Variants in OR7E24 observed in about 807,000 individuals in gnomAD.
The protein encoded by OR7E24 is olfactory receptor family 7 subfamily E member 24.
For missense variants in OR7E24, 385 were observed against 410.3 expected, an observed-to-expected ratio of 0.94 and a Z score of 0.53; for synonymous variants, 130 against 157.5, an observed-to-expected ratio of 0.83 and a Z score of 1.31.
At chr19:9,226,831 G>T in the OR7E24 span, among the ~76,000 whole-genome samples, 7 of 152,122 alleles carry the variant, frequency 4.6e-5, no homozygotes, top group African/African-American at 1.7e-4. Flanking sequence ...GAAGCACAAA[G>T]TCCCCAAGTG....
chr19:9,235,889 C>T, the OR7E24 span: 3 of 1,607,454 alleles, frequency 1.9e-6, no homozygotes, highest in Non-Finnish European at 2.6e-6. Context: ...TGTGTGGTCT[C>T]CTTGTTCTAT....
chr19:9,235,276 A>G, the OR7E24 span: 2 of 1,332,402 alleles, frequency 1.5e-6, no homozygotes, highest in Non-Finnish European at 2.2e-6. Context: ...GAACCTACTC[A>G]TCATCCTGGC....
the OR7E24 span, among the ~76,000 whole-genome samples, chr19:9,232,317 A>C: frequency 6.6e-6 from 1 of 152,080 alleles, no homozygotes; most frequent in Non-Finnish European, 1.5e-5. Context: ...AGGTGGACGG[A>C]TCACGAGGTC....
chr19:9,237,500 A>T, the OR7E24 span, among the ~76,000 whole-genome samples: 1 of 151,340 alleles, frequency 6.6e-6, no homozygotes, highest in African/African-American at 2.4e-5. Flanking sequence ...TTTTTTTAGT[A>T]GAGACGGGGT....
At chr19:9,240,887 G>A in the OR7E24 span, among the ~76,000 whole-genome samples, 370 of 151,422 alleles carry the variant, frequency 2.4e-3, 3 homozygotes, top group African/African-American at 8.2e-3. Context: ...GTGTGATCTC[G>A]GCTCTCTGCA....
At chr19:9,219,804 T>G in the OR7E24 span, among the ~76,000 whole-genome samples, 1 of 152,232 alleles carries the variant, frequency 6.6e-6, no homozygotes, top group Non-Finnish European at 1.5e-5. Context: ...AATTTTGTGA[T>G]GAAATAGGCA....
At chr19:9,214,863 G>T in the OR7E24 span, 1 of 1,464,532 alleles carries the variant, frequency 6.8e-7, no homozygotes, top group Middle Eastern at 1.8e-4. Flanking sequence ...GCTGGGGAAG[G>T]AGGAAAAAGC....
At chr19:9,243,753 A>C (rs1194258341), upstream of OR7E24, among the ~76,000 whole-genome samples, 1 of 152,174 alleles carries the variant, frequency 6.6e-6, no homozygotes, top group Non-Finnish European at 1.5e-5. Flanking sequence ...TGAAAGTGCA[A>C]GTTGTAAAAG....
At chr19:9,240,467 T>C in the OR7E24 span, among the ~76,000 whole-genome samples, 2 of 151,994 alleles carry the variant, frequency 1.3e-5, no homozygotes, top group African/African-American at 4.8e-5. Context: ...CCCAGCACCA[T>C]TTATGGAAGA....
chr19:9,242,130 G>C, the OR7E24 span, among the ~76,000 whole-genome samples: 1 of 152,176 alleles, frequency 6.6e-6, no homozygotes, highest in East Asian at 1.9e-4. Flanking sequence ...TGTTTCCTCT[G>C]GAAGAAATTG....
At chr19:9,232,321 C>T in the OR7E24 span, among the ~76,000 whole-genome samples, 2 of 151,966 alleles carry the variant, frequency 1.3e-5, no homozygotes, top group South Asian at 2.1e-4. Context: ...GGACGGATCA[C>T]GAGGTCAGGA....
upstream of OR7E24, among the ~76,000 whole-genome samples, chr19:9,247,813 G>T (rs764035468): frequency 6.6e-6 from 1 of 152,126 alleles, no homozygotes; most frequent in Non-Finnish European, 1.5e-5. Flanking sequence ...CCATCCTATT[G>T]GGTGGTATCT....
chr19:9,251,924 T>G lies in OR7E24; in HGVS notation c.881T>G (p.Val294Gly). 6.2e-7 allele frequency: 1 copy of G among 1,614,144 alleles called. No individual in the cohort carries two copies. ...CCCAGGAAGAGTATGGTGGCTTCAG[T>G]GATGTACACTGTGGTCACCCCCATG... ...PSPRKSMVAS[V>G]MYTVVTPMLN... is the part of the protein sequence containing the mutation. Residue 294 changes from valine to glycine, a missense_variant, in exon 1 of 1, where the codon GTG (valine) becomes GGG (glycine). By Grantham distance (109) the Val-to-Gly change is moderately radical (BLOSUM62 -3). Transcript: ENST00000456448.
the OR7E24 span, among the ~76,000 whole-genome samples, chr19:9,225,253 C>A: frequency 6.6e-6 from 1 of 152,008 alleles, no homozygotes; most frequent in African/African-American, 2.4e-5. Context: ...GCCTGTAATC[C>A]CAGCTACTCG....
the OR7E24 span, among the ~76,000 whole-genome samples, chr19:9,238,318 G>A: frequency 3.9e-5 from 6 of 152,002 alleles, no homozygotes; most frequent in African/African-American, 1.4e-4. Flanking sequence ...CAATGAAGTG[G>A]TGTCTCATTG....
chr19:9,219,835 T>C, the OR7E24 span, among the ~76,000 whole-genome samples: 1 of 152,196 alleles, frequency 6.6e-6, no homozygotes, highest in African/African-American at 2.4e-5. Context: ...ATGATGGATT[T>C]ATTTCCCCCA....
the OR7E24 span, among the ~76,000 whole-genome samples, chr19:9,237,873 T>G: frequency 4.6e-5 from 7 of 152,238 alleles, no homozygotes; most frequent in Non-Finnish European, 1.0e-4. Context: ...TATGTTTAAC[T>G]TTTTGAGCAA....
chr19:9,249,221 T>A (rs73920720), upstream of OR7E24, among the ~76,000 whole-genome samples: 2 of 152,118 alleles, frequency 1.3e-5, no homozygotes, highest in Middle Eastern at 3.2e-3. Context: ...TACTGAGGAT[T>A]GTGAGAGGAA....
chr19:9,245,379 G>C (rs2066126302), upstream of OR7E24, among the ~76,000 whole-genome samples: 1 of 152,096 alleles, frequency 6.6e-6, no homozygotes, highest in South Asian at 2.1e-4. Flanking sequence ...TGGCTATTAA[G>C]AACAAACAAG....
Sources: gnomAD v4.1 joint callset for allele counts (sites outside exome capture counted in the v4.1 genomes callset) on GRCh38, gnomAD v4.1.1 for gene constraint, MANE v1.5 for transcripts, NCBI Gene and HGNC (gene_info 2026-07-23, HGNC 2026-07-21) for gene names.